Variants in DDX31 observed in about 807,000 individuals in gnomAD.
DDX31 encodes ATP-dependent DNA helicase DDX31.
A neutral mutation model predicts 91.3 loss-of-function variants in DDX31; 70 were observed. That is an observed-to-expected ratio of 0.77 (90% CI 0.63 to 0.94). The LOEUF (loss-of-function observed/expected upper bound fraction) is 0.94. DDX31 is among the 40% of genes least tolerant of loss of function. The pLI is 0.00. For missense variants in DDX31, 902 were observed against 925.0 expected (o/e 0.98, Z 0.32); for synonymous variants, 362 against 350.6 (o/e 1.03, Z -0.36).
intron 6 of DDX31, chr9:132,658,206 G>GT (rs1564335497): frequency 1.5e-6 from 1 of 688,338 alleles, no homozygotes; most frequent in African/African-American, 1.8e-5. Flanking sequence ...AACCTTCACT[G>GT]TAAGTCTTCA....
chr9:132,651,231 A>G (rs1336515656), intron 7 of DDX31, 115 bp from the exon 8 acceptor site: 2 of 865,106 alleles, frequency 2.3e-6, no homozygotes, highest in Non-Finnish European at 3.6e-6. Flanking sequence ...ATTTAAGAAG[A>G]AAAAAAATCC....
rs1835047891 is a variant in DDX31 at position 132,662,632 on chromosome 9, TC to T, written c.138del (p.Asn47ThrfsTer68). 2 of 1,614,122 alleles carry T rather than the reference TC, an allele frequency of 1.2e-6. No individual in the cohort carries two copies. Among genetic ancestry groups the T allele is most frequent in the Non-Finnish European group, 1.7e-6 (2 of 1,180,048 alleles). ...ASSEAPPAKR[R>X]NETSFLPAKK... ...TTGGCTGGGAGAAATGAAGTTTCGT[TC>T]CTCCGTTTCGCTGGGGGAGCCTCAC... On this transcript the variant is annotated frameshift_variant, in exon 2 of 20. Transcript: ENST00000372159. LOFTEE classifies it high-confidence loss of function.
At chr9:132,597,251 C>T (rs1448270200) in intron 19 of DDX31, among the ~76,000 whole-genome samples, 4 of 152,120 alleles carry the variant, frequency 2.6e-5, no homozygotes, top group Admixed American at 2.6e-4. Flanking sequence ...CACCAGTGTC[C>T]CTGGAGGAGG....
chr9:132,648,688 CAT>C, intron 9 of DDX31, 137 bp from the exon 10 acceptor site: 1 of 1,016,462 alleles, frequency 9.8e-7, no homozygotes, highest in East Asian at 2.7e-5. Flanking sequence ...CATGACAAAA[CAT>C]AAAAACTGGG....
intron 17 of DDX31, among the ~76,000 whole-genome samples, chr9:132,623,551 C>CA (rs34868804): frequency 0.48 from 31,904 of 66,180 alleles, 5,917 homozygotes; most frequent in African/African-American, 0.51. Flanking sequence ...GACTCCATCT[C>CA]AAAAAAAAAA....
Position 132,632,222 on chromosome 9 carries a change from CGTATATGCCCAGTACGT to C in DDX31, c.1441-148_1441-132del, listed in dbSNP as rs1485229094. 35 of 336,714 alleles carry C rather than the reference CGTATATGCCCAGTACGT, an allele frequency of 1.0e-4. No individual in the cohort carries two copies. In the Admixed American group the frequency reaches 1.4e-3, roughly 13 times the overall value. The allele number at this position is 336,714 out of a possible 1,614,324, so 20.9% of individuals were successfully genotyped here. ...CAGTACATGCACATTCGGGCATACA[CGTATATGCCCAGTACGT>C]GTACACACACACACACACACACACA... On this transcript the variant is annotated intron_variant, in intron 14 of 19. Coordinates refer to ENST00000372159, the MANE Select transcript of DDX31 (RefSeq NM_022779.9).
rs191129076 is a variant in DDX31, at chr9:132,641,886, C to A, written c.1440+118G>T. On this transcript the variant is annotated intron_variant, in intron 14 of 19. Transcript: ENST00000372159. ...AAAGAGGCCAGCCCCACCAAGGGGCCCCTAGTGTTCCTGGGCCCTGTAGGA... is the reference window on the plus strand; with the variant it reads ...AAAGAGGCCAGCCCCACCAAGGGGCACCTAGTGTTCCTGGGCCCTGTAGGA... 7 of 998,754 alleles carry A rather than the reference C, an allele frequency of 7.0e-6. No homozygotes were observed. In the African/African-American group the frequency reaches 9.7e-5, roughly 14 times the overall value. The allele number at this position is 998,754 out of a possible 1,614,324, so 61.9% of individuals were successfully genotyped here.
At chr9:132,644,527 G>C (rs941826196) in intron 13 of DDX31, among the ~76,000 whole-genome samples, 1 of 152,108 alleles carries the variant, frequency 6.6e-6, no homozygotes, top group Admixed American at 6.6e-5. Context: ...GCCCCCAGAG[G>C]GCACAGCTAT....
chr9:132,654,310 T>C (rs193050262), intron 6 of DDX31, among the ~76,000 whole-genome samples: 171 of 152,256 alleles, frequency 1.1e-3, no homozygotes, highest in African/African-American at 4.0e-3. Flanking sequence ...TAATTCAATC[T>C]TTAAAAAAAG....
intron 18 of DDX31, among the ~76,000 whole-genome samples, chr9:132,613,841 T>C (rs991563335): frequency 2.7e-4 from 41 of 152,276 alleles, no homozygotes; most frequent in East Asian, 1.7e-3. Context: ...TTCTCGTAGA[T>C]TGAATATCTG....
chr9:132,606,493 C>G (rs150229110), intron 19 of DDX31, among the ~76,000 whole-genome samples: 1 of 152,164 alleles, frequency 6.6e-6, no homozygotes, highest in African/African-American at 2.4e-5. Flanking sequence ...CGGGTACTCG[C>G]GACAATGATG....
chr9:132,607,129 G>A (rs1329459579), intron 19 of DDX31, among the ~76,000 whole-genome samples: 1 of 152,230 alleles, frequency 6.6e-6, no homozygotes, highest in Non-Finnish European at 1.5e-5. Flanking sequence ...AAGTGTGGGA[G>A]GTTAAGGAAA....
intron 1 of DDX31, among the ~76,000 whole-genome samples, chr9:132,666,606 C>G (rs1835323621): frequency 6.6e-6 from 1 of 152,186 alleles, no homozygotes; most frequent in African/African-American, 2.4e-5. Flanking sequence ...GCAACCTCCA[C>G]TGGTTCCTGG....
chr9:132,669,652 C>T, intron 1 of DDX31: 1 of 1,532,084 alleles, frequency 6.5e-7, no homozygotes, highest in Non-Finnish European at 8.7e-7. Flanking sequence ...CACCGCTCCA[C>T]TCCCCGCTTC....
At chr9:132,619,424 C>T (rs113891899) in intron 17 of DDX31, among the ~76,000 whole-genome samples, 2 of 152,112 alleles carry the variant, frequency 1.3e-5, no homozygotes, top group African/African-American at 4.8e-5. Context: ...GAGACCGGGT[C>T]GTGCTGCTTA....
At chr9:132,608,306 T>C (rs555404770) in intron 19 of DDX31, among the ~76,000 whole-genome samples, 1 of 152,294 alleles carries the variant, frequency 6.6e-6, no homozygotes, top group South Asian at 2.1e-4. Context: ...TATTTCTATG[T>C]GTAGGGGAAG....
At chr9:132,632,635 C>G (rs1832864729) in intron 14 of DDX31, among the ~76,000 whole-genome samples, 1 of 152,032 alleles carries the variant, frequency 6.6e-6, no homozygotes, top group South Asian at 2.1e-4. Context: ...CCCCTCAAGG[C>G]ATTCGCTGTG....
chr9:132,596,127 G>A (rs954779525), intron 19 of DDX31, among the ~76,000 whole-genome samples: 2 of 152,176 alleles, frequency 1.3e-5, no homozygotes, highest in South Asian at 2.1e-4. Flanking sequence ...CATATGTTAC[G>A]TTCTGCTACT....
intron 5 of DDX31, among the ~76,000 whole-genome samples, chr9:132,658,946 T>C (rs1332258694): frequency 6.6e-6 from 1 of 152,232 alleles, no homozygotes; most frequent in African/African-American, 2.4e-5. Flanking sequence ...TGAGTACTTC[T>C]AAAAAACTAG....
Sources: gnomAD v4.1 joint callset for allele counts (sites outside exome capture counted in the v4.1 genomes callset) on GRCh38, gnomAD v4.1.1 for gene constraint, MANE v1.5 for transcripts, NCBI Gene and HGNC (gene_info 2026-07-23, HGNC 2026-07-21) for gene names.